The following SPECC1L variants were observed in gnomAD, a reference collection of about 807,000 sequenced individuals.
SPECC1L encodes the protein sperm antigen with calponin homology and coiled-coil domains 1 like, also known as cytospin-A.
SPECC1L carries 40 observed loss-of-function variants against 116.8 expected under a neutral mutation model. The observed-to-expected ratio is 0.34, with a 90% CI of 0.27 to 0.45. SPECC1L has a LOEUF of 0.45. Among genes scored for constraint, SPECC1L ranks in the 20% least tolerant of loss-of-function variants. The pLI, the probability that SPECC1L is intolerant of heterozygous loss-of-function variation, is 1.00. For synonymous variants in SPECC1L, 504 were observed against 500.6 expected, an observed-to-expected ratio of 1.01 and a Z score of -0.09; for missense variants, 1,110 against 1,373.6, an observed-to-expected ratio of 0.81 and a Z score of 3.03.
chr22:24,318,076 G>T (rs1028630017), intron 4 of SPECC1L, among the ~76,000 whole-genome samples: 5 of 147,132 alleles, frequency 3.4e-5, no homozygotes, highest in Non-Finnish European at 6.0e-5. Flanking sequence ...CATCCCAGAC[G>T]ATGGGCGGCC....
rs139026931 is a variant in SPECC1L at position 24,322,522 on chromosome 22, G to A, written c.1542G>A (p.Gln514=). The A allele has an allele frequency of 2.1e-4, 338 of 1,614,170 alleles. 1 individual carries two copies. The African/African-American group carries it at 4.1e-3, about 19-fold the overall frequency. Residue 514 remains glutamine (Q), a synonymous_variant, in exon 5 of 17, where the codon CAG becomes CAA. Coordinates refer to ENST00000314328, the MANE Select transcript of SPECC1L (RefSeq NM_015330.6). ...FEREQLLGVQ[Q]HLSNTLKMAE... ...GGGAGCAGCTTCTTGGTGTCCAGCA[G>A]CATTTAAGCAATACTTTGAAAATGG...
chr22:24,412,655 A>C lies in SPECC1L; in HGVS notation c.3212A>C (p.Asn1071Thr). 6.2e-7 allele frequency: 1 copy of C among 1,614,106 alleles called. No individual in the cohort carries two copies. Among genetic ancestry groups the C allele is most frequent in the Non-Finnish European group, 8.5e-7 (1 of 1,180,016 alleles). The change falls in exon 16 of 17, where the codon AAC (asparagine) becomes ACC (threonine). Residue 1071 changes from asparagine (N) to threonine (T), a missense_variant. By Grantham distance (65) the Asn-to-Thr change is moderately conservative. This residue lies in a region of SPECC1L where 76 missense variants were observed against 148.5 expected (regional missense o/e 0.51). Transcript: ENST00000314328. Reference sequence around the variant, plus strand: ...ACACAGTTTCTTTTACAGAGAAGGAACTTCATGCTGGCTTTCCAGGCAGCT... The same window carrying C: ...ACACAGTTTCTTTTACAGAGAAGGACCTTCATGCTGGCTTTCCAGGCAGCT... ...QELNSQDKRR[N>T]FMLAFQAAES...
rs553196411 is a variant in SPECC1L at position 24,315,220 on chromosome 22, T to C, written c.307+1754T>C. Among the ~76,000 whole-genome samples, 346 of 152,354 alleles carry C rather than the reference T, an allele frequency of 2.3e-3. 2 individuals are homozygous for C. The highest frequency in any genetic ancestry group is 0.01 in the Middle Eastern group (3 of 294). ...ATTTTTGCTTTGGCTTTATGCAGAT[T>C]CTTCCTTCCATTTCAGATTGGGCCT... On this transcript the variant is annotated intron_variant, in intron 4 of 16. Transcript: ENST00000314328.
chr22:24,280,835 A>G (rs369566981), intron 2 of SPECC1L, among the ~76,000 whole-genome samples: 2 of 151,830 alleles, frequency 1.3e-5, no homozygotes, highest in Non-Finnish European at 1.5e-5. Context: ...TCTCCACCCT[A>G]CTCGGCCACC....
intron 11 of SPECC1L, among the ~76,000 whole-genome samples, chr22:24,362,001 A>G (rs1282115727): frequency 1.3e-5 from 2 of 152,234 alleles, no homozygotes; most frequent in Non-Finnish European, 2.9e-5. Flanking sequence ...AGGAGGGATC[A>G]TGTTTAAATT....
intron 12 of SPECC1L, among the ~76,000 whole-genome samples, chr22:24,363,826 C>A (rs2041693490): frequency 7.0e-6 from 1 of 143,174 alleles, no homozygotes; most frequent in African/African-American, 2.6e-5. Context: ...CCCTCTGGAT[C>A]TTTAAGGGCA....
chr22:24,352,646 C>G (rs1266975717), intron 11 of SPECC1L, among the ~76,000 whole-genome samples: 1 of 152,138 alleles, frequency 6.6e-6, no homozygotes, highest in East Asian at 1.9e-4. Context: ...CTTTTTTACT[C>G]TAAATCAGAT....
At chr22:24,280,831 C>T (rs2048928630) in intron 2 of SPECC1L, among the ~76,000 whole-genome samples, 1 of 152,166 alleles carries the variant, frequency 6.6e-6, no homozygotes, top group South Asian at 2.1e-4. Context: ...ACGCTCTCCA[C>T]CCTACTCGGC....
chr22:24,390,174 G>A (rs1251391013), intron 14 of SPECC1L, among the ~76,000 whole-genome samples: 1 of 150,548 alleles, frequency 6.6e-6, no homozygotes, highest in East Asian at 2.0e-4. Flanking sequence ...TTCCTCTCTG[G>A]AAAACATTCC....
chr22:24,337,095 A>G (rs999430034), intron 9 of SPECC1L, among the ~76,000 whole-genome samples: 10 of 152,132 alleles, frequency 6.6e-5, no homozygotes, highest in Admixed American at 2.6e-4. Flanking sequence ...TCAGGACATA[A>G]CTCCATCATA....
intron 14 of SPECC1L, among the ~76,000 whole-genome samples, chr22:24,390,598 G>A (rs903554545): frequency 1.3e-5 from 2 of 152,100 alleles, no homozygotes; most frequent in African/African-American, 4.8e-5. Context: ...TGTTCCAGGG[G>A]TTAAAAATAC....
At chr22:24,299,643 G>A (rs2049336221) in intron 2 of SPECC1L, among the ~76,000 whole-genome samples, 1 of 151,880 alleles carries the variant, frequency 6.6e-6, no homozygotes, top group Admixed American at 6.6e-5. Flanking sequence ...ATATTTTCCA[G>A]AAGTCCTTGT....
chr22:24,412,915 TCACGTGAAA>T (rs55764057), intron 16 of SPECC1L, among the ~76,000 whole-genome samples: 59,685 of 151,650 alleles, frequency 0.39, 12,790 homozygotes, highest in Non-Finnish European at 0.48. Context: ...CACTTTTATC[TCACGTGAAA>T]CACCCTAAGG....
intron 3 of SPECC1L, among the ~76,000 whole-genome samples, chr22:24,309,581 A>G (rs919598708): frequency 6.6e-6 from 1 of 152,052 alleles, no homozygotes; most frequent in Admixed American, 6.5e-5. Flanking sequence ...TTGTATTTTT[A>G]GTAGAGACGG....
chr22:24,378,083 T>C (rs1569441808), intron 14 of SPECC1L, among the ~76,000 whole-genome samples: 2 of 152,236 alleles, frequency 1.3e-5, no homozygotes, highest in Admixed American at 6.5e-5. Flanking sequence ...TTGAAAATTG[T>C]TGTTTAGTGT....
rs1226540044 is a variant in SPECC1L, at chr22:24,365,559, A to G, written c.2911A>G (p.Thr971Ala). 3.7e-6 allele frequency: 6 copies of G among 1,614,002 alleles called. No individual in the cohort carries two copies. Among genetic ancestry groups the G allele is most frequent in the Non-Finnish European group, 5.1e-6 (6 of 1,180,036 alleles). The change falls in exon 13 of 17, where the codon ACC becomes GCC. Residue 971 changes from threonine to alanine, a missense_variant. Physicochemically the swap from Thr to Ala is moderately conservative, Grantham distance 58. This residue lies in a region of SPECC1L where 575 missense variants were observed against 682.4 expected (regional missense o/e 0.84). Coordinates refer to ENST00000314328, the MANE Select transcript of SPECC1L (RefSeq NM_015330.6). Reference protein sequence around the residue: ...ASPASLMAMGTTSPQLSLSSS... With the variant: ...ASPASLMAMGATSPQLSLSSS... ...GCCAGCCTCTCTGATGGCTATGGGAACCACGTCTCCACAGCTTTCCCTGTC... is the reference window on the plus strand; with the variant it reads ...GCCAGCCTCTCTGATGGCTATGGGAGCCACGTCTCCACAGCTTTCCCTGTC...
At chr22:24,394,145 T>C (rs2146748239) in intron 14 of SPECC1L, among the ~76,000 whole-genome samples, 1 of 152,342 alleles carries the variant, frequency 6.6e-6, no homozygotes, top group Admixed American at 6.5e-5. Context: ...CCTATGAACG[T>C]TCACGTGCAG....
At chr22:24,303,499 T>C (rs2049424306) in intron 3 of SPECC1L, among the ~76,000 whole-genome samples, 1 of 152,172 alleles carries the variant, frequency 6.6e-6, no homozygotes, top group African/African-American at 2.4e-5. Flanking sequence ...CCTAACTGGT[T>C]ATTCAGTTGC....
intron 2 of SPECC1L, among the ~76,000 whole-genome samples, chr22:24,290,598 T>C (rs2049139530): frequency 1.3e-5 from 2 of 152,216 alleles, no homozygotes; most frequent in South Asian, 4.1e-4. Context: ...GAATCACATA[T>C]CTGAAGGCAT....
Sources: allele counts gnomAD v4.1 joint callset (sites outside exome capture counted in the v4.1 genomes callset), GRCh38; gene constraint gnomAD v4.1.1; regional missense constraint gnomAD v4.1.1; transcripts MANE v1.5; gene names NCBI Gene and HGNC (gene_info 2026-07-23, HGNC 2026-07-21).